Variants in MITF observed in about 807,000 individuals in gnomAD.
MITF encodes melanocyte inducing transcription factor.
Under a neutral mutation model 60.5 loss-of-function variants are expected in MITF, and 17 were observed. The ratio of observed to expected loss-of-function variants is 0.28; its 90% CI spans 0.19 to 0.42. The LOEUF is 0.42. Ranked by LOEUF, MITF falls within the 10% of genes least tolerant of loss-of-function variation. The probability of loss-of-function intolerance (pLI) is 1.00; values close to 1 mark genes in which losing one functional copy is unlikely to be tolerated. For missense variants in MITF, 622 were observed against 683.5 expected, an observed-to-expected ratio of 0.91 and a Z score of 1.00; for synonymous variants, 260 against 248.5, an observed-to-expected ratio of 1.05 and a Z score of -0.43.
intron 1 of MITF, among the ~76,000 whole-genome samples, chr3:69,860,550 A>G (rs1214641233): frequency 1.4e-5 from 2 of 146,482 alleles, no homozygotes; most frequent in African/African-American, 5.0e-5. Context: ...GTGAGCGGAG[A>G]TCGCGCCACA....
chr3:69,958,063 A>G (rs1050541891), intron 8 of MITF, among the ~76,000 whole-genome samples: 7 of 152,364 alleles, frequency 4.6e-5, no homozygotes, highest in Middle Eastern at 3.4e-3. Flanking sequence ...ACAAAAAAAA[A>G]GTTTGAAAAC....
chr3:69,879,095 A>G (rs1205318821), intron 1 of MITF, 39 bp from the exon 2 acceptor site: 1 of 1,571,306 alleles, frequency 6.4e-7, no homozygotes, highest in African/African-American at 1.3e-5. Context: ...GGGTCTCATT[A>G]GGAAACTAAA....
intron 1 of MITF, among the ~76,000 whole-genome samples, chr3:69,774,151 AT>A (rs927111957): frequency 6.6e-6 from 1 of 152,126 alleles, no homozygotes; most frequent in African/African-American, 2.4e-5. Context: ...AATGTTTAAT[AT>A]TTTCAACAAC....
Position 69,965,796 on chromosome 3 carries a change from A to C in MITF, c.*548A>C, listed in dbSNP as rs1214690637. The C allele has an allele frequency of 8.8e-6, 2 of 228,018 alleles. No individual in the cohort carries two copies. The highest frequency in any genetic ancestry group is 1.7e-5 in the Non-Finnish European group (2 of 116,508). The allele number at this position is 228,018 out of a possible 1,614,324, so 14.1% of individuals were successfully genotyped here. A position where few individuals can be genotyped will look rare whatever the true frequency, so the allele number is the denominator to read the frequency against. ...CTTTATACTGCAAACTATTTAAAGA[A>C]ATATGTATTCTGTAAAAGAAAAAAA... On this transcript the variant is annotated 3_prime_UTR_variant, in exon 10 of 10. Coordinates refer to ENST00000352241, the MANE Select transcript of MITF (RefSeq NM_001354604.2).
chr3:69,818,539 G>C (rs2063217319), intron 1 of MITF, among the ~76,000 whole-genome samples: 3 of 151,972 alleles, frequency 2.0e-5, no homozygotes, highest in African/African-American at 4.8e-5. Context: ...TTACTCACAT[G>C]CCCACCTTTC....
intron 7 of MITF, among the ~76,000 whole-genome samples, chr3:69,953,647 G>GTATATATATATATA (rs773463461): frequency 7.1e-6 from 1 of 140,722 alleles, no homozygotes; most frequent in African/African-American, 2.6e-5. Flanking sequence ...ATATATGTAT[G>GTATATATATATATA]TATATATATA....
chr3:69,931,693 A>G (rs1472322962), intron 2 of MITF, among the ~76,000 whole-genome samples: 1 of 152,232 alleles, frequency 6.6e-6, no homozygotes, highest in East Asian at 1.9e-4. Context: ...ACCCATAAAT[A>G]TGTGATATAA....
chr3:69,959,129 AACCAAGC>A, intron 8 of MITF, 137 bp from the exon 9 acceptor site: 1 of 970,954 alleles, frequency 1.0e-6, no homozygotes, highest in Non-Finnish European at 1.5e-6. Flanking sequence ...TTATCCATGT[AACCAAGC>A]ACCACCTGTT....
chr3:69,959,572 T>A (rs2066489761), intron 9 of MITF, 152 bp downstream of exon 9: 2 of 1,036,504 alleles, frequency 1.9e-6, no homozygotes, highest in Non-Finnish European at 1.5e-6. Flanking sequence ...TGAATTTGCC[T>A]ACTTGTAACC....
intron 5 of MITF, among the ~76,000 whole-genome samples, chr3:69,944,472 A>G (rs1165302061): frequency 1.3e-5 from 2 of 152,160 alleles, no homozygotes; most frequent in Non-Finnish European, 2.9e-5. Context: ...AGCCACCCTT[A>G]GAAGTCACTG....
intron 1 of MITF, among the ~76,000 whole-genome samples, chr3:69,842,924 C>G (rs2063666234): frequency 1.3e-5 from 2 of 152,098 alleles, no homozygotes; most frequent in African/African-American, 4.8e-5. Context: ...AGTTATTTTT[C>G]TTGTGGAGAG....
intron 2 of MITF, among the ~76,000 whole-genome samples, chr3:69,894,031 T>C (rs1343054361): frequency 6.6e-6 from 1 of 152,224 alleles, no homozygotes; most frequent in Non-Finnish European, 1.5e-5. Context: ...AAAATGTTTC[T>C]TGATTCTGAA....
intron 2 of MITF, among the ~76,000 whole-genome samples, chr3:69,914,363 C>T (rs2065288094): frequency 1.3e-5 from 2 of 152,154 alleles, no homozygotes; most frequent in African/African-American, 4.8e-5. Flanking sequence ...CTCAGGTGAT[C>T]CGCCTCCCTC....
intron 1 of MITF, among the ~76,000 whole-genome samples, chr3:69,862,305 T>A (rs1411959354): frequency 1.3e-5 from 2 of 152,152 alleles, no homozygotes; most frequent in Non-Finnish European, 2.9e-5. Context: ...TGGGGAACCA[T>A]TGGCTGGGAT....
At chr3:69,790,070 C>A (rs1235271831) in intron 1 of MITF, among the ~76,000 whole-genome samples, 1 of 152,156 alleles carries the variant, frequency 6.6e-6, no homozygotes, top group African/African-American at 2.4e-5. Context: ...TGCATACATA[C>A]AATGGAGTAT....
At chr3:69,892,800 G>A (rs1470969146) in intron 2 of MITF, among the ~76,000 whole-genome samples, 1 of 152,168 alleles carries the variant, frequency 6.6e-6, no homozygotes, top group Non-Finnish European at 1.5e-5. Context: ...TGACATCAAA[G>A]GTCTTTCTAC....
rs72371556 is a variant in MITF, at chr3:69,821,690, T to TAA, written c.105-57429_105-57428dup. The stretch of plus-strand genomic sequence containing the variant: ...CATTTAGAAAAGGAAAAAAAAAAAC[T>TAA]AAAAAAAAAAAAAAAAGCAAAAGTT... On this transcript the variant is annotated intron_variant, in intron 1 of 9. Coordinates refer to ENST00000352241, the MANE Select transcript of MITF (RefSeq NM_001354604.2). Among the ~76,000 whole-genome samples, 223 of 113,218 alleles carry TAA rather than the reference T, an allele frequency of 2.0e-3. 2 individuals carry two copies. The highest frequency in any genetic ancestry group is 4.8e-3 in the African/African-American group (147 of 30,392). 74.3% of individuals were successfully genotyped at this position (113,218 alleles called of 152,430 possible).
chr3:69,819,233 G>T (rs986689409), intron 1 of MITF, among the ~76,000 whole-genome samples: 5 of 152,104 alleles, frequency 3.3e-5, no homozygotes, highest in African/African-American at 7.2e-5. Flanking sequence ...TTCCTCAAAG[G>T]CCCATCCTAA....
At chr3:69,756,471 T>C (rs1015877923) in intron 1 of MITF, among the ~76,000 whole-genome samples, 1 of 152,206 alleles carries the variant, frequency 6.6e-6, no homozygotes, top group Non-Finnish European at 1.5e-5. Flanking sequence ...ACTCATTTTT[T>C]TTTTATGGCT....
Sources: allele counts gnomAD v4.1 joint callset (sites outside exome capture counted in the v4.1 genomes callset), GRCh38; gene constraint gnomAD v4.1.1; transcripts MANE v1.5; gene names NCBI Gene and HGNC (gene_info 2026-07-23, HGNC 2026-07-21).